The following SMCR8 variants were observed in gnomAD, a reference collection of about 807,000 sequenced individuals.
SMCR8 encodes guanine nucleotide exchange protein SMCR8.
Under a neutral mutation model 56.6 loss-of-function variants are expected in SMCR8, and 30 were observed. The ratio of observed to expected loss-of-function variants is 0.53; its 90% confidence interval spans 0.40 to 0.72. The LOEUF (loss-of-function observed/expected upper bound fraction) is 0.72, where lower values mean the gene tolerates loss of function less well. SMCR8 is among the 30% of genes least tolerant of loss of function. The pLI is 0.00. For synonymous variants in SMCR8, 538 were observed against 456.0 expected, an observed-to-expected ratio of 1.18 and a Z score of -2.29; for missense variants, 1,198 against 1,157.0, an observed-to-expected ratio of 1.04 and a Z score of -0.51.
chr17:18,317,776 A>G lies in SMCR8; in HGVS notation c.1987A>G (p.Ile663Val), dbSNP rs1297179722. Residue 663 changes from isoleucine to valine, a missense_variant, in exon 1 of 2, where the codon ATC becomes GTC. Coordinates refer to ENST00000406438, the MANE Select transcript of SMCR8 (RefSeq NM_144775.3). ...DPSHLLASRD[I>V]SKTSLDNYSD... Reference sequence around the variant, plus strand: ...GAGCCACCTGCTGGCTAGCCGGGACATCAGTAAGACCAGCCTGGACAACTA... The same window carrying G: ...GAGCCACCTGCTGGCTAGCCGGGACGTCAGTAAGACCAGCCTGGACAACTA... 1 of 1,614,184 alleles carries G rather than the reference A, an allele frequency of 6.2e-7. No individual in the cohort carries two copies. Among genetic ancestry groups the G allele is most frequent in the South Asian group, 1.1e-5 (1 of 91,086 alleles).
In SMCR8 at chr17:18,316,026, C is replaced by G. The variant is rs145526189; in HGVS notation, c.237C>G (p.Thr79=). The G allele has an allele frequency of 8.8e-4, 1,428 of 1,614,130 alleles. 3 individuals carry two copies. Among genetic ancestry groups the G allele is most frequent in the Non-Finnish European group, 1.1e-3 (1,304 of 1,180,034 alleles). The change falls in exon 1 of 2, where the codon ACC becomes ACG. Residue 79 remains threonine (T), a synonymous_variant. Coordinates refer to ENST00000406438, the MANE Select transcript of SMCR8 (RefSeq NM_144775.3). Reference sequence around the variant, plus strand: ...CCTTACTGACCATCCCCAATGACACCAAAGTTTTTGGCACTTTTGATCTCA... The same window carrying G: ...CCTTACTGACCATCCCCAATGACACGAAAGTTTTTGGCACTTTTGATCTCA... ...PQPLLTIPND[T]KVFGTFDLNY...
chr17:18,317,721 TGAAG>T lies in SMCR8; in HGVS notation c.1934_1937del (p.Glu645GlyfsTer33), dbSNP rs1982369786. The stretch of plus-strand genomic sequence containing the variant: ...ACCCTTCTTCCCGAGACAACAGTTG[TGAAG>T]GGTTTCCCGCTTATGAGCTGGACCC... On this transcript the variant is annotated frameshift_variant, in exon 1 of 2. Transcript: ENST00000406438. LOFTEE classifies it high-confidence loss of function. 5 of 1,614,128 alleles carry T rather than the reference TGAAG, an allele frequency of 3.1e-6. No individual in the cohort carries two copies. The highest frequency in any genetic ancestry group is 4.2e-6 in the Non-Finnish European group (5 of 1,180,030).
chr17:18,318,867 C>G (rs572169001), intron 1 of SMCR8, among the ~76,000 whole-genome samples: 6 of 152,320 alleles, frequency 3.9e-5, no homozygotes, highest in Non-Finnish European at 8.8e-5. Context: ...CAGATGACTC[C>G]GGGGGAAAGG....
At position 18,322,638 on chromosome 17, in the gene SMCR8, C is replaced by G. The variant is rs780106684; in HGVS notation, c.2382C>G (p.Ala794=). Residue 794 remains alanine, a synonymous_variant, in exon 2 of 2, where the codon GCC becomes GCG. Coordinates refer to ENST00000406438, the MANE Select transcript of SMCR8 (RefSeq NM_144775.3). The part of the protein sequence containing the change: ...GLQRVASPAG[A]GTLHALSRYS... The stretch of plus-strand genomic sequence containing the variant: ...TCAGAGTGGCCTCCCCTGCCGGTGC[C>G]GGTACCCTCCATGCCCTGAGCCGCT... 1.2e-6 allele frequency: 2 copies of G among 1,613,814 alleles called. No homozygotes were observed. The highest frequency in any genetic ancestry group is 1.7e-6 in the Non-Finnish European group (2 of 1,179,814).
In SMCR8 at chr17:18,318,087, T is replaced by C. The variant is rs144286534; in HGVS notation, c.2298T>C (p.His766=). ...GCTGCTACGCTAAGCCCGTGAAACA[T>C]TGGGCCTCCTCCCCTTTGCACATTA... The part of the protein sequence containing the change: ...SYGCYAKPVK[H]WASSPLHIMD... The change falls in exon 1 of 2, where the codon CAT becomes CAC. Residue 766 remains histidine (H), a synonymous_variant. Transcript: ENST00000406438. The C allele has an allele frequency of 2.5e-5, 41 of 1,614,244 alleles. No individual in the cohort carries two copies. Among genetic ancestry groups the C allele is most frequent in the South Asian group, 2.1e-4 (19 of 91,088 alleles).
rs1346539702 is a variant in SMCR8, at chr17:18,315,368, C to T, written c.-422C>T. On this transcript the variant is annotated 5_prime_UTR_variant, in exon 1 of 2. Coordinates refer to ENST00000406438, the MANE Select transcript of SMCR8 (RefSeq NM_144775.3). ...TCCTAGGAGCCGCGACGGTTTCTGC[C>T]CTCGGGCAGTGAGGGGCAGCAGCGC... 6.1e-6 allele frequency: 1 copy of T among 162,958 alleles called. No individual in the cohort carries two copies. The highest frequency in any genetic ancestry group is 2.4e-5 in the African/African-American group (1 of 41,656). The allele number at this position is 162,958 out of a possible 1,614,324, so 10.1% of individuals were successfully genotyped here. A position where few individuals can be genotyped will look rare whatever the true frequency, so the allele number is the denominator to read the frequency against.
At position 18,315,618 on chromosome 17, in the gene SMCR8, A is replaced by G. The variant is rs1344531499; in HGVS notation, c.-172A>G. ...GAGCTACAACTGTGAGGGGGCTGCTAGAGTTCTTCTCCTCGGGTGTGTGAG... is the reference window on the plus strand; with the variant it reads ...GAGCTACAACTGTGAGGGGGCTGCTGGAGTTCTTCTCCTCGGGTGTGTGAG... On this transcript the variant is annotated 5_prime_UTR_variant, in exon 1 of 2. Transcript: ENST00000406438. 5.0e-6 allele frequency: 3 copies of G among 605,306 alleles called. No individual in the cohort carries two copies. Among genetic ancestry groups the G allele is most frequent in the Non-Finnish European group, 8.7e-6 (3 of 346,166 alleles). 37.5% of individuals were successfully genotyped at this position (605,306 alleles called of 1,614,324 possible).
At chr17:18,319,267 C>T (rs1299440986) in intron 1 of SMCR8, among the ~76,000 whole-genome samples, 1 of 152,188 alleles carries the variant, frequency 6.6e-6, no homozygotes, top group Non-Finnish European at 1.5e-5. Context: ...CCGGGGCCCA[C>T]CTGAGAGCCA....
chr17:18,318,063 C>T lies in SMCR8; in HGVS notation c.2274C>T (p.Gly758=), dbSNP rs1321810724. ...TALAIFVPSY[G]CYAKPVKHWA... is the part of the protein sequence containing the mutation. ...TGGCTATCTTTGTCCCCAGCTATGG[C>T]TGCTACGCTAAGCCCGTGAAACATT... The change falls in exon 1 of 2, where the codon GGC becomes GGT. Residue 758 remains glycine, a synonymous_variant. Coordinates refer to ENST00000406438, the MANE Select transcript of SMCR8 (RefSeq NM_144775.3). 26 of 1,614,268 alleles carry T rather than the reference C, an allele frequency of 1.6e-5. No individual in the cohort carries two copies. The highest frequency in any genetic ancestry group is 2.2e-5 in the Non-Finnish European group (26 of 1,180,054).
In SMCR8 at chr17:18,316,866, A is replaced by G; in HGVS notation, c.1077A>G (p.Arg359=). ...LCYLLTSQID[R]ALLKQQHITN... ...ACCTCCTGACCAGTCAGATTGATAGAGCACTTCTAAAACAACAGCATATAA... is the reference window on the plus strand; with the variant it reads ...ACCTCCTGACCAGTCAGATTGATAGGGCACTTCTAAAACAACAGCATATAA... Residue 359 remains arginine (R), a synonymous_variant, in exon 1 of 2, where the codon AGA becomes AGG. Coordinates refer to ENST00000406438, the MANE Select transcript of SMCR8 (RefSeq NM_144775.3). The G allele has an allele frequency of 6.2e-7, 1 of 1,614,230 alleles. No individual in the cohort carries two copies. The highest frequency in any genetic ancestry group is 8.5e-7 in the Non-Finnish European group (1 of 1,180,048).
rs770863214 is a variant in SMCR8 at position 18,315,964 on chromosome 17, C to G, written c.175C>G (p.Leu59Val). ...SGAKFSRDFI[L>V]ISEFSEQVGP... Reference sequence around the variant, plus strand: ...GGCCAAGTTTTCGAGGGACTTCATTCTTATTTCCGAGTTCTCTGAGCAGGT... The same window carrying G: ...GGCCAAGTTTTCGAGGGACTTCATTGTTATTTCCGAGTTCTCTGAGCAGGT... The change falls in exon 1 of 2, where the codon CTT becomes GTT. Residue 59 changes from leucine (L) to valine (V), a missense_variant. Physicochemically the swap from Leu to Val is conservative, Grantham distance 32. Transcript: ENST00000406438. 6.2e-7 allele frequency: 1 copy of G among 1,614,164 alleles called. No homozygotes were observed. Among genetic ancestry groups the G allele is most frequent in the Admixed American group, 1.7e-5 (1 of 60,020 alleles).
intron 1 of SMCR8, among the ~76,000 whole-genome samples, chr17:18,320,869 T>C (rs535004505): frequency 7.2e-5 from 11 of 152,348 alleles, no homozygotes; most frequent in African/African-American, 2.4e-4. Flanking sequence ...CCCACGCTGC[T>C]TCTGAGGGCC....
In SMCR8 at chr17:18,327,442, A is replaced by G. The variant is rs1394026034; in HGVS notation, c.*4372A>G. On this transcript the variant is annotated 3_prime_UTR_variant, in exon 2 of 2. Coordinates refer to ENST00000406438, the MANE Select transcript of SMCR8 (RefSeq NM_144775.3). ...AAATTGAAGACCACTTTGGTAGCAG[A>G]ACTGTAGGGACTGGTGAGTCAACTC... The G allele has an allele frequency of 1.3e-5, 2 of 152,256 alleles. No individual in the cohort carries two copies. The highest frequency in any genetic ancestry group is 1.3e-4 in the Admixed American group (2 of 15,286). 9.4% of individuals were successfully genotyped at this position (152,256 alleles called of 1,614,324 possible).
chr17:18,322,509 C>T, intron 1 of SMCR8, 108 bp from the exon 2 acceptor site: 1 of 952,034 alleles, frequency 1.1e-6, no homozygotes, highest in East Asian at 2.4e-5. Context: ...CCAGTGCATG[C>T]TGGCTAGGTG....
rs1563631 is a variant in SMCR8, at chr17:18,317,820, C to T, written c.2031C>T (p.Tyr677=). 468,593 of 1,613,918 alleles carry T rather than the reference C, an allele frequency of 0.29. 71,015 individuals carry two copies. The highest frequency in any genetic ancestry group is 0.31 in the Non-Finnish European group (370,130 of 1,179,922). The stretch of plus-strand genomic sequence containing the variant: ...ACAACTACTCAGACACCACCAGCTA[C>T]GTGAGCAGTGTAGCGTCCACCAGCT... ...SLDNYSDTTS[Y]VSSVASTSSD... Residue 677 remains tyrosine, a synonymous_variant, in exon 1 of 2, where the codon TAC becomes TAT. Coordinates refer to ENST00000406438, the MANE Select transcript of SMCR8 (RefSeq NM_144775.3).
In SMCR8 at chr17:18,317,083, G is replaced by A; in HGVS notation, c.1294G>A (p.Glu432Lys). The stretch of plus-strand genomic sequence containing the variant: ...GTCTGTGTTGATCAAGATGGAGCAG[G>A]AACTGGGAGATGAGGAGTACAAGGA... ...VESVLIKMEQ[E>K]LGDEEYKEVE... The change falls in exon 1 of 2, where the codon GAA (glutamate) becomes AAA (lysine). Residue 432 changes from glutamate (E) to lysine (K), a missense_variant. Coordinates refer to ENST00000406438, the MANE Select transcript of SMCR8 (RefSeq NM_144775.3). The A allele has an allele frequency of 1.9e-6, 3 of 1,614,162 alleles. No homozygotes were observed. Among genetic ancestry groups the A allele is most frequent in the East Asian group, 4.5e-5 (2 of 44,882 alleles).
Position 18,322,928 on chromosome 17 carries a change from C to A in SMCR8, c.2672C>A (p.Thr891Asn). 1 of 1,614,244 alleles carries A rather than the reference C, an allele frequency of 6.2e-7. No homozygotes were observed. Among genetic ancestry groups the A allele is most frequent in the Non-Finnish European group, 8.5e-7 (1 of 1,180,046 alleles). The change falls in exon 2 of 2, where the codon ACC (threonine) becomes AAC (asparagine). Residue 891 changes from threonine (T) to asparagine (N), a missense_variant. Coordinates refer to ENST00000406438, the MANE Select transcript of SMCR8 (RefSeq NM_144775.3). ...CGCCAGATGAGCTTCCTAAAGCTGA[C>A]CCTGGGTCTGGTGAATGAGGATGTT... ...ASRQMSFLKL[T>N]LGLVNEDVRV...
intron 1 of SMCR8, among the ~76,000 whole-genome samples, chr17:18,321,065 A>C (rs944971672): frequency 6.6e-6 from 1 of 152,248 alleles, no homozygotes; most frequent in Non-Finnish European, 1.5e-5. Flanking sequence ...TCCCAGGTCA[A>C]TGTTGGGATG....
chr17:18,323,103 G>A lies in SMCR8; in HGVS notation c.*33G>A, dbSNP rs765046078. On this transcript the variant is annotated 3_prime_UTR_variant, in exon 2 of 2. Coordinates refer to ENST00000406438, the MANE Select transcript of SMCR8 (RefSeq NM_144775.3). The stretch of plus-strand genomic sequence containing the variant: ...CCCAGACACTGTGACCAAGACCTGT[G>A]ACTCAGGGTATGGGGAGGGGAGGGG... The A allele has an allele frequency of 9.5e-6, 15 of 1,579,178 alleles. No homozygotes were observed. Among genetic ancestry groups the A allele is most frequent in the Non-Finnish European group, 1.2e-5 (14 of 1,156,600 alleles).
Sources: gnomAD v4.1 joint callset for allele counts (sites outside exome capture counted in the v4.1 genomes callset) on GRCh38, gnomAD v4.1.1 for gene constraint, MANE v1.5 for transcripts, NCBI Gene and HGNC (gene_info 2026-07-23, HGNC 2026-07-21) for gene names.